MACROD2: variants seen among roughly 807,000 people sequenced by gnomAD.
MACROD2 encodes mono-ADP ribosylhydrolase 2, also known as ADP-ribose glycohydrolase MACROD2.
MACROD2 carries 36 observed loss-of-function variants against 70.4 expected under a neutral mutation model. The ratio of observed to expected loss-of-function variants is 0.51; its 90% CI spans 0.39 to 0.68. The LOEUF (loss-of-function observed/expected upper bound fraction) is 0.68, where lower values mean the gene tolerates loss of function less well. Ranked by LOEUF, MACROD2 falls within the 30% of genes least tolerant of loss-of-function variation. The pLI, the probability that MACROD2 is intolerant of heterozygous loss-of-function variation, is 0.00. For missense variants in MACROD2, 496 were observed against 538.4 expected, an observed-to-expected ratio of 0.92 and a Z score of 0.78; for synonymous variants, 172 against 178.8, an observed-to-expected ratio of 0.96 and a Z score of 0.30.
chr20:14,839,493 G>A (rs569587966), intron 5 of MACROD2, among the ~76,000 whole-genome samples: 6 of 152,224 alleles, frequency 3.9e-5, no homozygotes, highest in African/African-American at 1.4e-4. Context: ...ACACATGCAA[G>A]TTATATGGGC....
intron 3 of MACROD2, among the ~76,000 whole-genome samples, chr20:14,382,595 G>A (rs2083433081): frequency 6.6e-6 from 1 of 151,966 alleles, no homozygotes; most frequent in African/African-American, 2.4e-5. Flanking sequence ...TTGAACCCAG[G>A]TGGCGGAGGT....
intron 5 of MACROD2, among the ~76,000 whole-genome samples, chr20:14,760,636 T>G (rs2072003696): frequency 6.6e-6 from 1 of 152,082 alleles, no homozygotes; most frequent in Non-Finnish European, 1.5e-5. Context: ...CCACCAGGCC[T>G]TTTGGTTCTT....
chr20:14,807,864 G>A (rs1037966337), intron 5 of MACROD2, among the ~76,000 whole-genome samples: 2 of 152,026 alleles, frequency 1.3e-5, no homozygotes, highest in East Asian at 1.9e-4. Flanking sequence ...TCAACTTAAT[G>A]AAATAAAGTG....
At chr20:14,970,511 T>C (rs983354219) in intron 5 of MACROD2, among the ~76,000 whole-genome samples, 1 of 152,202 alleles carries the variant, frequency 6.6e-6, no homozygotes, top group African/African-American at 2.4e-5. Flanking sequence ...CCTCCAGTGT[T>C]GAAGGGATGT....
rs561095000 is a variant in MACROD2 at position 14,145,587 on chromosome 20, A to G, written c.271+59859A>G. Among the ~76,000 whole-genome samples, 6 of 152,342 alleles carry G rather than the reference A, an allele frequency of 3.9e-5. No homozygotes were observed. In the South Asian group the frequency reaches 1.2e-3, roughly 32 times the overall value. On this transcript the variant is annotated intron_variant, in intron 3 of 17. Coordinates refer to ENST00000684519, the MANE Select transcript of MACROD2 (RefSeq NM_001351661.2). ...TTTTCTTACTGGTAAAGCCCTAGGT[A>G]ATAGAGCTTTAATAGCATGAATCTC... is the stretch of plus-strand genomic sequence containing the variant.
intron 4 of MACROD2, among the ~76,000 whole-genome samples, chr20:14,554,855 G>T (rs1055135004): frequency 1.3e-5 from 2 of 152,036 alleles, no homozygotes; most frequent in Non-Finnish European, 2.9e-5. Flanking sequence ...TATAAGGAAA[G>T]ATTTATCAGG....
chr20:15,508,015 T>A (rs1366876589), intron 8 of MACROD2, among the ~76,000 whole-genome samples: 1 of 152,190 alleles, frequency 6.6e-6, no homozygotes, highest in Admixed American at 6.5e-5. Context: ...CCATTCTTAC[T>A]CTGGTGGGGA....
At chr20:14,700,037 T>A (rs1049143485) in intron 5 of MACROD2, among the ~76,000 whole-genome samples, 7 of 151,874 alleles carry the variant, frequency 4.6e-5, no homozygotes, top group Non-Finnish European at 1.0e-4. Context: ...GTTTAAAGTT[T>A]AAAGTTTAAA....
chr20:14,480,860 G>A (rs897332275), intron 3 of MACROD2, among the ~76,000 whole-genome samples: 19 of 152,002 alleles, frequency 1.2e-4, no homozygotes, highest in Admixed American at 3.9e-4. Context: ...TATACTTACA[G>A]TCGATATAAA....
intron 3 of MACROD2, among the ~76,000 whole-genome samples, chr20:14,462,233 G>C (rs1371771747): frequency 6.6e-6 from 1 of 152,090 alleles, no homozygotes; most frequent in Non-Finnish European, 1.5e-5. Flanking sequence ...ATTCTAACTG[G>C]TGTGAGATGG....
At chr20:15,997,951 T>C (rs1281133407) in intron 15 of MACROD2, among the ~76,000 whole-genome samples, 1 of 152,234 alleles carries the variant, frequency 6.6e-6, no homozygotes, top group Non-Finnish European at 1.5e-5. Flanking sequence ...TATATTCAGA[T>C]GATCATAAGA....
At chr20:15,426,394 G>A (rs2046298530) in intron 6 of MACROD2, among the ~76,000 whole-genome samples, 1 of 151,948 alleles carries the variant, frequency 6.6e-6, no homozygotes, top group Admixed American at 6.6e-5. Context: ...GCCCAGGCTG[G>A]AGTGTAGTGG....
At chr20:15,638,045 G>A (rs1289224598) in intron 8 of MACROD2, among the ~76,000 whole-genome samples, 1 of 152,036 alleles carries the variant, frequency 6.6e-6, no homozygotes, top group Non-Finnish European at 1.5e-5. Context: ...TTTTTTACGA[G>A]GCTTGTGTTG....
At chr20:15,713,987 G>GCACACACGCACACACACACACACA (rs1555868660) in intron 8 of MACROD2, among the ~76,000 whole-genome samples, 12 of 117,782 alleles carry the variant, frequency 1.0e-4, no homozygotes, top group African/African-American at 3.1e-4. Context: ...ACACACATAT[G>GCACACACGCACACACACACACACA]CACACACACA....
intron 6 of MACROD2, among the ~76,000 whole-genome samples, chr20:15,232,520 C>T (rs896403115): frequency 6.6e-6 from 1 of 152,022 alleles, no homozygotes; most frequent in Non-Finnish European, 1.5e-5. Context: ...TATTGCAGAC[C>T]TGTCCAACTC....
At chr20:15,450,043 T>C (rs188850063) in intron 7 of MACROD2, among the ~76,000 whole-genome samples, 2 of 152,170 alleles carry the variant, frequency 1.3e-5, no homozygotes, top group African/African-American at 4.8e-5. Context: ...ACAACAGATA[T>C]TAAGCCATTG....
chr20:15,076,816 C>G (rs1288092014), intron 5 of MACROD2, among the ~76,000 whole-genome samples: 1 of 152,128 alleles, frequency 6.6e-6, no homozygotes, highest in African/African-American at 2.4e-5. Context: ...TTTAAACTTT[C>G]ATACGTAGAA....
intron 5 of MACROD2, among the ~76,000 whole-genome samples, chr20:14,811,659 GAA>G (rs1748009779): frequency 6.6e-6 from 1 of 151,662 alleles, no homozygotes; most frequent in African/African-American, 2.4e-5. Context: ...CAGAATAGGA[GAA>G]AAGTTTTGCA....
chr20:14,363,787 A>G (rs370158), intron 3 of MACROD2, among the ~76,000 whole-genome samples: 92,853 of 138,638 alleles, frequency 0.67, 31,530 homozygotes, highest in Non-Finnish European at 0.74. Context: ...ACTGCACTCC[A>G]GCCTGGGCGA....
Sources: allele counts gnomAD v4.1 joint callset (sites outside exome capture counted in the v4.1 genomes callset), GRCh38; gene constraint gnomAD v4.1.1; transcripts MANE v1.5; gene names NCBI Gene and HGNC (gene_info 2026-07-23, HGNC 2026-07-21).